The following ROBO2 variants were observed in gnomAD, a reference collection of about 807,000 sequenced individuals.
ROBO2 encodes roundabout guidance receptor 2.
In ROBO2, 53 loss-of-function variants were observed where a neutral mutation model predicts 160.8. The observed-to-expected ratio is 0.33, with a 90% CI of 0.26 to 0.41. The LOEUF is 0.41. Ranked by LOEUF, ROBO2 falls within the 10% of genes least tolerant of loss-of-function variation. ROBO2 has a pLI of 1.00. For synonymous variants in ROBO2, 664 were observed against 611.7 expected (o/e 1.09, Z -1.26); for missense variants, 1,577 against 1,722.4 (o/e 0.92, Z 1.49).
chr3:77,336,776 C>A (rs2066541175), intron 2 of ROBO2, among the ~76,000 whole-genome samples: 1 of 152,178 alleles, frequency 6.6e-6, no homozygotes, highest in East Asian at 1.9e-4. Flanking sequence ...AACAGGCAGA[C>A]TGTGAAGTTT....
intron 2 of ROBO2, among the ~76,000 whole-genome samples, chr3:76,961,072 T>G (rs897555641): frequency 6.6e-6 from 1 of 152,074 alleles, no homozygotes; most frequent in African/African-American, 2.4e-5. Flanking sequence ...GATTTCAATT[T>G]GGACCAAAGT....
intron 2 of ROBO2, among the ~76,000 whole-genome samples, chr3:77,188,792 A>G (rs1486446254): frequency 1.3e-5 from 2 of 151,928 alleles, no homozygotes; most frequent in Non-Finnish European, 1.5e-5. Flanking sequence ...TTTGACTAAT[A>G]TATTTTTAGA....
intron 2 of ROBO2, among the ~76,000 whole-genome samples, chr3:77,442,704 G>A (rs1278732016): frequency 2.6e-5 from 4 of 152,060 alleles, no homozygotes; most frequent in Admixed American, 2.6e-4. Context: ...GAGTACCAGG[G>A]TTCACATGTG....
At chr3:77,289,877 G>A (rs1238169253) in intron 2 of ROBO2, among the ~76,000 whole-genome samples, 1 of 145,276 alleles carries the variant, frequency 6.9e-6, no homozygotes, top group African/African-American at 2.5e-5. Context: ...AAAATTAATG[G>A]TAAAACGGGA....
intron 2 of ROBO2, among the ~76,000 whole-genome samples, chr3:76,918,252 G>C (rs1041032155): frequency 1.3e-5 from 2 of 152,114 alleles, no homozygotes; most frequent in Admixed American, 6.5e-5. Flanking sequence ...CTGTTCTCAC[G>C]ATAGTGAGTG....
intron 2 of ROBO2, among the ~76,000 whole-genome samples, chr3:77,327,563 C>A (rs574572424): frequency 1.3e-5 from 2 of 152,172 alleles, no homozygotes; most frequent in South Asian, 4.2e-4. Context: ...TGGACCCCAA[C>A]TATTAAAGGC....
At chr3:76,867,127 A>G (rs1374337608) in intron 2 of ROBO2, among the ~76,000 whole-genome samples, 1 of 152,178 alleles carries the variant, frequency 6.6e-6, no homozygotes, top group Non-Finnish European at 1.5e-5. Flanking sequence ...ATGTTGGGAG[A>G]GTATTAACAC....
intron 16 of ROBO2, among the ~76,000 whole-genome samples, chr3:77,581,398 GA>G (rs1161769953): frequency 1.3e-5 from 2 of 152,030 alleles, no homozygotes; most frequent in Non-Finnish European, 2.9e-5. Flanking sequence ...AGATACTGAG[GA>G]TATTTTCTTC....
chr3:76,959,945 TCCA>T (rs2079531463), intron 2 of ROBO2, among the ~76,000 whole-genome samples: 1 of 150,632 alleles, frequency 6.6e-6, no homozygotes, highest in Non-Finnish European at 1.5e-5. Context: ...TCATAATTTA[TCCA>T]TCTTTTTTTT....
intron 2 of ROBO2, among the ~76,000 whole-genome samples, chr3:76,202,020 T>G (rs532525532): frequency 1.3e-5 from 2 of 151,418 alleles, no homozygotes; most frequent in South Asian, 4.2e-4. Flanking sequence ...TGGATGAAAA[T>G]GGAACAAATA....
chr3:77,133,629 C>G (rs555095516), intron 2 of ROBO2, among the ~76,000 whole-genome samples: 37 of 147,318 alleles, frequency 2.5e-4, no homozygotes, highest in Non-Finnish European at 5.0e-4. Context: ...CCTGGGATTC[C>G]TTTAGTTTTT....
intron 2 of ROBO2, among the ~76,000 whole-genome samples, chr3:76,843,294 T>C (rs887704404): frequency 2.0e-5 from 3 of 151,540 alleles, no homozygotes; most frequent in Non-Finnish European, 4.4e-5. Flanking sequence ...ATGTATCTGA[T>C]GCTGTTCAAA....
chr3:76,696,066 C>T lies in ROBO2; in HGVS notation c.110-401948C>T, dbSNP rs999958804. 2.6e-5 allele frequency among the ~76,000 whole-genome samples: 4 copies of T among 152,246 alleles called. No individual in the cohort carries two copies. In the East Asian group the frequency reaches 7.7e-4, roughly 29 times the overall value. On this transcript the variant is annotated intron_variant, in intron 2 of 26. Transcript: ENST00000487694. The stretch of plus-strand genomic sequence containing the variant: ...AAATTTCTTCTCCCTTGTGATCTCT[C>T]ATCAAAGTGTTCTTAGCCAGTTTCA...
chr3:76,706,774 G>A (rs17014548), intron 2 of ROBO2, among the ~76,000 whole-genome samples: 9,235 of 151,988 alleles, frequency 0.061, 837 homozygotes, highest in African/African-American at 0.2. Flanking sequence ...ATTTAGTTAA[G>A]TGTTTGCAAC....
chr3:76,557,386 T>C (rs1452613398), intron 2 of ROBO2, among the ~76,000 whole-genome samples: 2 of 152,012 alleles, frequency 1.3e-5, no homozygotes, highest in Non-Finnish European at 1.5e-5. Context: ...TTAAATATTA[T>C]CTCTGCAGAG....
chr3:76,478,357 CTCA>C (rs1577483195), intron 2 of ROBO2, among the ~76,000 whole-genome samples: 1 of 151,590 alleles, frequency 6.6e-6, no homozygotes, highest in African/African-American at 2.4e-5. Flanking sequence ...AGGACATGAA[CTCA>C]TCATTTTTTA....
intron 2 of ROBO2, among the ~76,000 whole-genome samples, chr3:76,044,156 A>G (rs1042256044): frequency 6.6e-6 from 1 of 152,000 alleles, no homozygotes; most frequent in African/African-American, 2.4e-5. Flanking sequence ...TCTTTTCTGT[A>G]TTTCTGTTTT....
Position 76,802,699 on chromosome 3 carries a change from G to T in ROBO2, c.110-295315G>T, listed in dbSNP as rs373978672. Among the ~76,000 whole-genome samples, 47 of 148,110 alleles carry T rather than the reference G, an allele frequency of 3.2e-4. 1 individual carries two copies. In the East Asian group the frequency reaches 6.2e-3, roughly 19 times the overall value. ...GCCAAGATGGCGTCACTGCACTCCA[G>T]CCTGGGCGACAGAGCGAGACTCCGT... is the stretch of plus-strand genomic sequence containing the variant. On this transcript the variant is annotated intron_variant, in intron 2 of 26. Coordinates refer to the ROBO2 transcript ENST00000487694.
At chr3:77,268,271 C>T (rs1165814695) in intron 2 of ROBO2, among the ~76,000 whole-genome samples, 1 of 152,064 alleles carries the variant, frequency 6.6e-6, no homozygotes, top group East Asian at 1.9e-4. Flanking sequence ...TGAAAAAATG[C>T]ATATATTTTT....
Sources: allele counts gnomAD v4.1 joint callset (sites outside exome capture counted in the v4.1 genomes callset), GRCh38; gene constraint gnomAD v4.1.1; transcripts MANE v1.5; gene names NCBI Gene and HGNC (gene_info 2026-07-23, HGNC 2026-07-21).